The following XRN2 variants were observed in gnomAD, a reference collection of about 807,000 sequenced individuals.
The protein encoded by XRN2 is 5'-3' exoribonuclease 2, also known as DHM1-like protein.
A neutral mutation model predicts 138.5 loss-of-function variants in XRN2; 44 were observed. The observed-to-expected ratio is 0.32, with a 90% CI of 0.25 to 0.41. The LOEUF is 0.41. XRN2 is among the 10% of genes least tolerant of loss of function. The probability of loss-of-function intolerance (pLI) is 1.00; values close to 1 mark genes in which losing one functional copy is unlikely to be tolerated. For synonymous variants in XRN2, 354 were observed against 369.4 expected, an observed-to-expected ratio of 0.96 and a Z score of 0.48; for missense variants, 937 against 1,169.3, an observed-to-expected ratio of 0.80 and a Z score of 2.90.
At chr20:21,372,390 G>A (rs936326195) in intron 27 of XRN2, among the ~76,000 whole-genome samples, 1 of 152,200 alleles carries the variant, frequency 6.6e-6, no homozygotes, top group African/African-American at 2.4e-5. Context: ...GTTAAGCATA[G>A]CATAACTGGT....
At chr20:21,311,607 A>G (rs2037881848) in intron 1 of XRN2, among the ~76,000 whole-genome samples, 1 of 152,152 alleles carries the variant, frequency 6.6e-6, no homozygotes, top group South Asian at 2.1e-4. Flanking sequence ...TGGATCATGT[A>G]ATTCTGTGTT....
At chr20:21,376,455 GA>G (rs1336931921) in intron 27 of XRN2, among the ~76,000 whole-genome samples, 14 of 152,144 alleles carry the variant, frequency 9.2e-5, no homozygotes, top group Non-Finnish European at 1.6e-4. Flanking sequence ...TATTTTTACT[GA>G]CCAGTTTTTC....
intron 24 of XRN2, among the ~76,000 whole-genome samples, chr20:21,361,619 C>G (rs1351508721): frequency 3.3e-5 from 5 of 152,158 alleles, no homozygotes; most frequent in East Asian, 1.9e-4. Flanking sequence ...TTACTTACTA[C>G]TTCCCTAGAT....
At chr20:21,303,979 A>G (rs915044468) in intron 1 of XRN2, 1 of 496,928 alleles carries the variant, frequency 2.0e-6, no homozygotes, top group African/African-American at 2.1e-5. Context: ...CCTAGTGTTC[A>G]GGACCATTTG....
chr20:21,329,593 A>G (rs1300311168), intron 4 of XRN2, among the ~76,000 whole-genome samples: 1 of 152,224 alleles, frequency 6.6e-6, no homozygotes, highest in African/African-American at 2.4e-5. Context: ...GCAACTTGTA[A>G]TTAAGACTCT....
chr20:21,342,426 T>C (rs2038383790), intron 15 of XRN2, among the ~76,000 whole-genome samples: 1 of 152,228 alleles, frequency 6.6e-6, no homozygotes, highest in African/African-American at 2.4e-5. Context: ...ATATTTTTGT[T>C]GGTAGAGACA....
Position 21,309,494 on chromosome 20 carries a change from A to G in XRN2, c.75+6021A>G, listed in dbSNP as rs530665260. On this transcript the variant is annotated intron_variant, in intron 1 of 29. Transcript: ENST00000377191. ...ACCCAGGATGCTTTGAATGCGGCCCAGCACAAATTCGTAAACTTTCTTAAA... is the reference window on the plus strand; with the variant it reads ...ACCCAGGATGCTTTGAATGCGGCCCGGCACAAATTCGTAAACTTTCTTAAA... Among the ~76,000 whole-genome samples, 8 of 152,316 alleles carry G rather than the reference A, an allele frequency of 5.3e-5. No individual in the cohort carries two copies. The East Asian group carries it at 1.5e-3, about 29-fold the overall frequency.
chr20:21,347,457 A>G (rs933990189), intron 17 of XRN2, among the ~76,000 whole-genome samples: 1 of 152,196 alleles, frequency 6.6e-6, no homozygotes, highest in Non-Finnish European at 1.5e-5. Flanking sequence ...CTGGGAATAG[A>G]TGAAGTTTGT....
intron 27 of XRN2, among the ~76,000 whole-genome samples, chr20:21,370,521 T>C (rs2122324685): frequency 6.6e-6 from 1 of 152,360 alleles, no homozygotes; most frequent in South Asian, 2.1e-4. Flanking sequence ...TGGATCGTCA[T>C]CACTTAGTTG....
In XRN2 at chr20:21,340,663, G is replaced by A. The variant is rs374180175; in HGVS notation, c.1279-58G>A. 118 of 1,572,746 alleles carry A rather than the reference G, an allele frequency of 7.5e-5. 1 individual carries two copies. Among genetic ancestry groups the A allele is most frequent in the Middle Eastern group, 6.9e-4 (4 of 5,818 alleles). ...ATTCCATTGCCCTTCTTTCCTTTCT[G>A]TCATCTAACTGTGTTGTGATTTAAT... On this transcript the variant is annotated intron_variant, in intron 14 of 29. Transcript: ENST00000377191.
rs2038248417 is a variant in XRN2, at chr20:21,333,772, C to T, written c.1002C>T (p.Asp334=). 1.2e-6 allele frequency: 2 copies of T among 1,614,028 alleles called. No individual in the cohort carries two copies. The highest frequency in any genetic ancestry group is 1.7e-5 in the Admixed American group (1 of 60,008). The change falls in exon 11 of 30, where the codon GAC becomes GAT. Residue 334 remains aspartate (D), a synonymous_variant. Coordinates refer to ENST00000377191, the MANE Select transcript of XRN2 (RefSeq NM_012255.5). Reference sequence around the variant, plus strand: ...TTGATGTTGAGAGGAGCATTGATGACTGGGTTTTCATGTGCTTCTTTGTGG... The same window carrying T: ...TTGATGTTGAGAGGAGCATTGATGATTGGGTTTTCATGTGCTTCTTTGTGG... ...FTFDVERSID[D]WVFMCFFVGN...
At chr20:21,385,923 A>G (rs567245003) in intron 28 of XRN2, among the ~76,000 whole-genome samples, 4 of 152,318 alleles carry the variant, frequency 2.6e-5, no homozygotes, top group South Asian at 2.1e-4. Flanking sequence ...CTGATGTTCA[A>G]GTATACTGGA....
chr20:21,347,279 GTGA>G (rs1167241237), intron 17 of XRN2, among the ~76,000 whole-genome samples: 1 of 152,184 alleles, frequency 6.6e-6, no homozygotes, highest in Non-Finnish European at 1.5e-5. Context: ...TCATAATATA[GTGA>G]TGATACATGA....
intron 27 of XRN2, among the ~76,000 whole-genome samples, chr20:21,374,994 T>G (rs1220244684): frequency 1.4e-5 from 2 of 148,108 alleles, no homozygotes; most frequent in African/African-American, 2.5e-5. Flanking sequence ...AATTCTTATG[T>G]TGGTTTTGGT....
Position 21,368,518 on chromosome 20 carries a change from C to G in XRN2, c.2512C>G (p.Pro838Ala). ...TGIYSNAAPP[P>A]VTYQGNLYRP... is the part of the protein sequence containing the mutation. ...CATTTACAGCAATGCTGCACCACCA[C>G]CTGTGACTTACCAGGGAAACTTATA... is the stretch of plus-strand genomic sequence containing the variant. Residue 838 changes from proline to alanine, a missense_variant, in exon 27 of 30, where the codon CCT becomes GCT. This residue lies in a region of XRN2 where 372 missense variants were observed against 414.4 expected (regional missense o/e 0.90). Coordinates refer to ENST00000377191, the MANE Select transcript of XRN2 (RefSeq NM_012255.5). 3 of 1,614,058 alleles carry G rather than the reference C, an allele frequency of 1.9e-6. No individual in the cohort carries two copies. Among genetic ancestry groups the G allele is most frequent in the Middle Eastern group, 1.6e-4 (1 of 6,062 alleles).
intron 27 of XRN2, among the ~76,000 whole-genome samples, chr20:21,376,733 C>A (rs530913306): frequency 2.0e-5 from 3 of 152,092 alleles, no homozygotes; most frequent in East Asian, 1.9e-4. Flanking sequence ...AATGAAGAGT[C>A]CTGTGCGTTC....
rs78156817 is a variant in XRN2, at chr20:21,314,120, C to T, written c.75+10647C>T. 5.7e-3 allele frequency among the ~76,000 whole-genome samples: 868 copies of T among 152,320 alleles called. 5 individuals are homozygous for T. The highest frequency in any genetic ancestry group is 9.6e-3 in the Non-Finnish European group (656 of 68,028). ...CTTTTCTCCCAGCCTTAAGCAACCA[C>T]TAATCTACTTTATGTCTATATAGAT... On this transcript the variant is annotated intron_variant, in intron 1 of 29. Transcript: ENST00000377191.
chr20:21,306,099 G>T lies in XRN2; in HGVS notation c.75+2626G>T, dbSNP rs185068845. Among the ~76,000 whole-genome samples the T allele has an allele frequency of 9.7e-5, 7 of 72,448 alleles. 2 individuals are homozygous for T. The Admixed American group carries it at 1.2e-3, about 12-fold the overall frequency. 47.5% of individuals were successfully genotyped at this position (72,448 alleles called of 152,430 possible). ...ATAGCTCCATTCTACCCTTATACAC[G>T]TGAATGATCATTAGCTAGGCATGGA... On this transcript the variant is annotated intron_variant, in intron 1 of 29. Coordinates refer to ENST00000377191, the MANE Select transcript of XRN2 (RefSeq NM_012255.5).
intron 23 of XRN2, among the ~76,000 whole-genome samples, chr20:21,357,228 G>A (rs1205139864): frequency 6.6e-6 from 1 of 152,126 alleles, no homozygotes; most frequent in Non-Finnish European, 1.5e-5. Flanking sequence ...AGCCCTTTGA[G>A]ATTTAAGAAT....
Sources: allele counts gnomAD v4.1 joint callset (sites outside exome capture counted in the v4.1 genomes callset), GRCh38; gene constraint gnomAD v4.1.1; regional missense constraint gnomAD v4.1.1; transcripts MANE v1.5; gene names NCBI Gene and HGNC (gene_info 2026-07-23, HGNC 2026-07-21).